The following TBC1D9B variants were observed in gnomAD, a reference collection of about 807,000 sequenced individuals.
TBC1D9B encodes the protein TBC1 domain family member 9B, also known as TBC1 domain family, member 9B (with GRAM domain).
In TBC1D9B, 87 loss-of-function variants were observed where a neutral mutation model predicts 121.1. That is an observed-to-expected ratio of 0.72 (90% CI 0.60 to 0.86). The LOEUF (loss-of-function observed/expected upper bound fraction) is 0.86, where lower values mean the gene tolerates loss of function less well. Among genes scored for constraint, TBC1D9B ranks in the 40% least tolerant of loss-of-function variants. The probability of loss-of-function intolerance (pLI) is 0.00; values close to 1 mark genes in which losing one functional copy is unlikely to be tolerated. For missense variants in TBC1D9B, 1,540 were observed against 1,628.6 expected, an observed-to-expected ratio of 0.95 and a Z score of 0.94; for synonymous variants, 668 against 670.1, an observed-to-expected ratio of 1.00 and a Z score of 0.05.
chr5:179,896,615 C>T (rs975417688), intron 3 of TBC1D9B, among the ~76,000 whole-genome samples: 9 of 152,140 alleles, frequency 5.9e-5, no homozygotes, highest in African/African-American at 1.9e-4. Flanking sequence ...CTCTGCCTCC[C>T]GGGTTCAAGC....
At chr5:179,877,998 T>TA (rs1317752378) in intron 10 of TBC1D9B, among the ~76,000 whole-genome samples, 2 of 152,150 alleles carry the variant, frequency 1.3e-5, no homozygotes, top group African/African-American at 2.4e-5. Flanking sequence ...TGAATGTGCT[T>TA]AGAGCACTGA....
chr5:179,874,949 C>G lies in TBC1D9B; in HGVS notation c.2139G>C (p.Gln713His). 6.2e-7 allele frequency: 1 copy of G among 1,613,762 alleles called. No homozygotes were observed. Among genetic ancestry groups the G allele is most frequent in the Admixed American group, 1.7e-5 (1 of 60,032 alleles). ...CGCCCTCGTCGCTGCAGCCCAGCAG[C>G]TGCTCCATGTTGGCGTCCAGGACGG... ...ALAVLDANME[Q>H]LLGCSDEGEA... The change falls in exon 12 of 21, where the codon CAG becomes CAC. Residue 713 changes from glutamine to histidine, a missense_variant. Gln to His is a conservative substitution (Grantham distance 24, BLOSUM62 0). Transcript: ENST00000355235. This position sits in a 1 kb window ranked among gnomAD's most constrained non-coding sequence, Gnocchi z 4.3.
At chr5:179,869,707 C>T in intron 17 of TBC1D9B, 62 bp downstream of exon 17, 1 of 1,582,800 alleles carries the variant, frequency 6.3e-7, no homozygotes, top group East Asian at 2.3e-5. Flanking sequence ...GGCCTGTCCT[C>T]TGCAGCTGAA....
At chr5:179,886,959 A>G (rs1760704126) in intron 7 of TBC1D9B, among the ~76,000 whole-genome samples, 1 of 152,254 alleles carries the variant, frequency 6.6e-6, no homozygotes, top group Non-Finnish European at 1.5e-5. Flanking sequence ...ATTCCAGTGG[A>G]AAGACACACA....
Position 179,872,994 on chromosome 5 carries a change from T to A in TBC1D9B, c.2317-4A>T. The A allele has an allele frequency of 6.2e-7, 1 of 1,613,948 alleles. No homozygotes were observed. The highest frequency in any genetic ancestry group is 8.5e-7 in the Non-Finnish European group (1 of 1,179,994). Reference sequence around the variant, plus strand: ...CGGCCCTCAGGCTGCTGAATTTCTATAGGGAGAGGTGACTTGGTGAGATCA... The same window carrying A: ...CGGCCCTCAGGCTGCTGAATTTCTAAAGGGAGAGGTGACTTGGTGAGATCA... On this transcript the variant is annotated splice_polypyrimidine_tract_variant and splice_region_variant and intron_variant, in intron 13 of 20. Transcript: ENST00000355235.
At chr5:179,895,768 A>C (rs915155300) in intron 3 of TBC1D9B, among the ~76,000 whole-genome samples, 1 of 152,258 alleles carries the variant, frequency 6.6e-6, no homozygotes, top group Non-Finnish European at 1.5e-5. Context: ...CAGTGAGGAC[A>C]GCCATGAGCC....
intron 4 of TBC1D9B, 122 bp from the exon 5 acceptor site, chr5:179,893,589 C>T (rs1460634243): frequency 3.0e-6 from 4 of 1,352,740 alleles, no homozygotes; most frequent in Non-Finnish European, 3.0e-6. Flanking sequence ...TTCCTGTGTG[C>T]CCAGGCCTGT....
In TBC1D9B at chr5:179,865,856, C is replaced by G. The variant is rs759413009; in HGVS notation, c.2896G>C (p.Gly966Arg). The G allele has an allele frequency of 3.4e-5, 54 of 1,611,722 alleles. No homozygotes were observed. Among genetic ancestry groups the G allele is most frequent in the Non-Finnish European group, 4.5e-5 (53 of 1,178,680 alleles). Reference protein sequence around the residue: ...ALPQEEQEGSGSEERGEEKGT... With the variant: ...ALPQEEQEGSRSEERGEEKGT... ...CCTGTACCTCCTCTCTCCTCACTTC[C>G]ACTTCCTTCTTGCTCTTCCTGTGGT... Residue 966 changes from glycine to arginine, a missense_variant, in exon 19 of 21, where the codon GGA becomes CGA. Coordinates refer to ENST00000355235, the MANE Select transcript of TBC1D9B (RefSeq NM_015043.4). This position sits in a 1 kb window ranked among gnomAD's most constrained non-coding sequence, Gnocchi z 5.1.
At chr5:179,903,135 G>A (rs1160909087) in intron 2 of TBC1D9B, among the ~76,000 whole-genome samples, 1 of 152,216 alleles carries the variant, frequency 6.6e-6, no homozygotes, top group East Asian at 1.9e-4. Flanking sequence ...TGGAGAACAA[G>A]GGCACTGTGG....
At chr5:179,876,125 C>A in intron 10 of TBC1D9B, 88 bp from the exon 11 acceptor site, 1 of 922,058 alleles carries the variant, frequency 1.1e-6, no homozygotes, top group East Asian at 2.9e-5. Context: ...GCCACCCCTC[C>A]CTGCAAGGGC....
Position 179,891,094 on chromosome 5 carries a change from C to T in TBC1D9B, c.1044+285G>A, listed in dbSNP as rs1057268370. On this transcript the variant is annotated intron_variant, in intron 6 of 20. Transcript: ENST00000355235. The surrounding 1 kb of genome is among the most constrained non-coding windows in gnomAD (Gnocchi z 4.3). ...CCAGAAGGCAGGCCTGATGGAAACT[C>T]ACGCGTGGGAGACCCTGTCTCCACT... Among the ~76,000 whole-genome samples the T allele has an allele frequency of 6.6e-6, 1 of 152,220 alleles. No homozygotes were observed. The highest frequency in any genetic ancestry group is 2.4e-5 in the African/African-American group (1 of 41,464).
At chr5:179,884,087 T>C (rs996151057) in intron 7 of TBC1D9B, among the ~76,000 whole-genome samples, 5 of 152,192 alleles carry the variant, frequency 3.3e-5, no homozygotes, top group Non-Finnish European at 1.5e-5. Context: ...TGGGTTTCCC[T>C]CACATTCTTG....
rs1200991448 is a variant in TBC1D9B at position 179,895,530 on chromosome 5, G to A, written c.349-916C>T. Reference sequence around the variant, plus strand: ...GGCAGGACCTGCAGTTTCAGGGCCCGTCCATACTCCCTCATGCTGCTGGCA... The same window carrying A: ...GGCAGGACCTGCAGTTTCAGGGCCCATCCATACTCCCTCATGCTGCTGGCA... On this transcript the variant is annotated intron_variant, in intron 3 of 20. Transcript: ENST00000355235. Among the ~76,000 whole-genome samples, 4 of 152,268 alleles carry A rather than the reference G, an allele frequency of 2.6e-5. No individual in the cohort carries two copies. The East Asian group carries it at 5.8e-4, about 22-fold the overall frequency.
In TBC1D9B at chr5:179,875,795, ATAC is replaced by A; in HGVS notation, c.1900+122_1900+124del. 2 of 674,468 alleles carry A rather than the reference ATAC, an allele frequency of 3.0e-6. No homozygotes were observed. The highest frequency in any genetic ancestry group is 6.2e-5 in the East Asian group (2 of 32,102). The allele number at this position is 674,468 out of a possible 1,614,324, so 41.8% of individuals were successfully genotyped here. A position where few individuals can be genotyped will look rare whatever the true frequency, so the allele number is the denominator to read the frequency against. On this transcript the variant is annotated intron_variant, in intron 11 of 20. Coordinates refer to ENST00000355235, the MANE Select transcript of TBC1D9B (RefSeq NM_015043.4). This position sits in a 1 kb window ranked among gnomAD's most constrained non-coding sequence, Gnocchi z 4.5. ...ACTTTTATAAACCACCGAATGTGTAATACTACCCTCTAACTCCTAGGGAACCCA... is the reference window on the plus strand; with the variant it reads ...ACTTTTATAAACCACCGAATGTGTAATACCCTCTAACTCCTAGGGAACCCA...
intron 7 of TBC1D9B, among the ~76,000 whole-genome samples, chr5:179,886,184 C>T (rs1360936824): frequency 6.6e-6 from 1 of 152,174 alleles, no homozygotes; most frequent in Non-Finnish European, 1.5e-5. Context: ...TTTATTTCTA[C>T]CCACAGCCCT....
At position 179,875,975 on chromosome 5, in the gene TBC1D9B, G is replaced by C. The variant is rs567646892; in HGVS notation, c.1845C>G (p.Leu615=). Residue 615 remains leucine (L), a synonymous_variant, in exon 11 of 21, where the codon CTC becomes CTG. Transcript: ENST00000355235. The surrounding 1 kb of genome is among the most constrained non-coding windows in gnomAD (Gnocchi z 4.5). The part of the protein sequence containing the change: ...LYGSEEEAFW[L]LVALCERMLP... ...GCATGCGCTCGCACAGGGCCACCAG[G>C]AGCCAGAAGGCCTCCTCCTCACTGC... 6.2e-7 allele frequency: 1 copy of C among 1,612,242 alleles called. No individual in the cohort carries two copies. The highest frequency in any genetic ancestry group is 1.3e-5 in the African/African-American group (1 of 75,002).
intron 1 of TBC1D9B, among the ~76,000 whole-genome samples, chr5:179,906,382 AAGG>A (rs1761317093): frequency 6.6e-6 from 1 of 152,186 alleles, no homozygotes; most frequent in Non-Finnish European, 1.5e-5. Context: ...AGCCCGCAGG[AAGG>A]AGGTGTACAG....
chr5:179,893,479 G>A lies in TBC1D9B; in HGVS notation c.578-12C>T. 3.2e-6 allele frequency: 5 copies of A among 1,583,588 alleles called. No homozygotes were observed. The highest frequency in any genetic ancestry group is 4.3e-6 in the Non-Finnish European group (5 of 1,161,412). The stretch of plus-strand genomic sequence containing the variant: ...CACCACGAGGCTCACTGTGCCCACA[G>A]AGATAGACACACCGCAAGTTAGGGC... On this transcript the variant is annotated splice_polypyrimidine_tract_variant and intron_variant, in intron 4 of 20. Transcript: ENST00000355235.
chr5:179,905,306 A>G (rs899339544), intron 1 of TBC1D9B, among the ~76,000 whole-genome samples: 1 of 152,212 alleles, frequency 6.6e-6, no homozygotes, highest in Non-Finnish European at 1.5e-5. Context: ...TCCTGTACTC[A>G]TCGCTTCTTC....
Sources: gnomAD v4.1 joint callset for allele counts (sites outside exome capture counted in the v4.1 genomes callset) on GRCh38, gnomAD v4.1.1 for gene constraint, Gnocchi (gnomAD v3.1) non-coding constraint, MANE v1.5 for transcripts, NCBI Gene and HGNC (gene_info 2026-07-23, HGNC 2026-07-21) for gene names.